Variants in TUT4 observed in about 807,000 individuals in gnomAD.
The protein encoded by TUT4 is terminal uridylyltransferase 4.
Under a neutral mutation model 192.2 loss-of-function variants are expected in TUT4, and 36 were observed. That is an observed-to-expected ratio of 0.19 (90% CI 0.14 to 0.25). TUT4 has a LOEUF of 0.25. Among genes scored for constraint, TUT4 ranks in the 10% least tolerant of loss-of-function variants. The probability of loss-of-function intolerance (pLI) is 1.00; values close to 1 mark genes in which losing one functional copy is unlikely to be tolerated. For missense variants in TUT4, 1,493 were observed against 1,957.2 expected, an observed-to-expected ratio of 0.76 and a Z score of 4.47; for synonymous variants, 618 against 666.0, an observed-to-expected ratio of 0.93 and a Z score of 1.11.
chr1:52,526,738 A>G (rs911274048), intron 1 of TUT4, among the ~76,000 whole-genome samples: 2 of 152,214 alleles, frequency 1.3e-5, no homozygotes, highest in Non-Finnish European at 2.9e-5. Flanking sequence ...AAGAATTCCA[A>G]TCTTGGCTGG....
chr1:52,486,367 T>A (rs1254495067), intron 9 of TUT4, among the ~76,000 whole-genome samples: 2 of 152,172 alleles, frequency 1.3e-5, no homozygotes, highest in East Asian at 3.8e-4. Context: ...AAGCTTTATC[T>A]AGAAAACTAT....
intron 1 of TUT4, among the ~76,000 whole-genome samples, chr1:52,549,796 T>TA (rs574669617): frequency 3.6e-4 from 54 of 151,030 alleles, no homozygotes; most frequent in African/African-American, 1.2e-3. Flanking sequence ...ACTGAACGAG[T>TA]GAAAAAAAAA....
intron 16 of TUT4, 84 bp from the exon 17 acceptor site, chr1:52,461,853 T>C (rs1385915651): frequency 1.2e-6 from 1 of 808,600 alleles, no homozygotes; most frequent in Non-Finnish European, 1.9e-6. Flanking sequence ...AATAGTAGCA[T>C]TTACAATTTC....
chr1:52,547,558 C>G (rs1405940451), intron 1 of TUT4, among the ~76,000 whole-genome samples: 2 of 152,108 alleles, frequency 1.3e-5, no homozygotes, highest in African/African-American at 2.4e-5. Context: ...TGTACATCCA[C>G]ACAAAAACGT....
At chr1:52,424,855 CT>C (rs1413518491) in intron 29 of TUT4, 12 of 153,146 alleles carry the variant, frequency 7.8e-5, no homozygotes, top group African/African-American at 2.9e-4. Flanking sequence ...AGCCTACCCT[CT>C]CTAGCCTTAT....
chr1:52,530,819 A>G (rs1002149698), intron 1 of TUT4, among the ~76,000 whole-genome samples: 1 of 152,140 alleles, frequency 6.6e-6, no homozygotes, highest in Non-Finnish European at 1.5e-5. Context: ...CCTGGGCAAC[A>G]TGGTAAAACC....
intron 7 of TUT4, among the ~76,000 whole-genome samples, chr1:52,492,689 G>GT (rs548999000): frequency 2.0e-5 from 3 of 152,202 alleles, no homozygotes; most frequent in Non-Finnish European, 4.4e-5. Flanking sequence ...AAGAAAAACA[G>GT]TAAGTAAAAA....
chr1:52,427,734 C>T (rs1283280687), intron 28 of TUT4, among the ~76,000 whole-genome samples: 6 of 152,170 alleles, frequency 3.9e-5, no homozygotes, highest in Admixed American at 1.3e-4. Flanking sequence ...ATAATGGATA[C>T]TGGCAACAAT....
intron 6 of TUT4, 83 bp downstream of exon 6, chr1:52,495,344 C>T: frequency 1.2e-6 from 1 of 834,588 alleles, no homozygotes; most frequent in South Asian, 2.1e-5. Flanking sequence ...TTTATATTTC[C>T]CTATCCTTTC....
chr1:52,522,948 A>G (rs1259412340), intron 2 of TUT4, among the ~76,000 whole-genome samples: 2 of 143,010 alleles, frequency 1.4e-5, no homozygotes, highest in African/African-American at 5.2e-5. Context: ...TCTTTAAATC[A>G]TGTTTTTCAC....
intron 2 of TUT4, among the ~76,000 whole-genome samples, chr1:52,524,222 CACAGCATT>C (rs771504866): frequency 6.6e-6 from 1 of 152,162 alleles, no homozygotes; most frequent in African/African-American, 2.4e-5. Flanking sequence ...AAAATCTGAT[CACAGCATT>C]ACTTTACTTA....
At chr1:52,529,899 T>A (rs1169538693) in intron 1 of TUT4, 1 of 152,120 alleles carries the variant, frequency 6.6e-6, no homozygotes, top group Non-Finnish European at 1.5e-5. Context: ...GGGGGTAAAG[T>A]GGCACAATTA....
intron 3 of TUT4, among the ~76,000 whole-genome samples, chr1:52,512,558 G>A (rs1677480765): frequency 1.3e-5 from 2 of 151,900 alleles, no homozygotes; most frequent in African/African-American, 4.8e-5. Context: ...GCACATATTG[G>A]GCACAACATC....
intron 4 of TUT4, among the ~76,000 whole-genome samples, 186 bp downstream of exon 4, chr1:52,509,409 CG>C (rs1461105528): frequency 1.3e-5 from 2 of 152,164 alleles, no homozygotes; most frequent in Non-Finnish European, 2.9e-5. Flanking sequence ...ATGAGCAAAC[CG>C]GTCTCAACAA....
At chr1:52,454,930 A>C (rs1660433075) in intron 20 of TUT4, among the ~76,000 whole-genome samples, 1 of 152,252 alleles carries the variant, frequency 6.6e-6, no homozygotes, top group African/African-American at 2.4e-5. Context: ...AGACATATGA[A>C]TGGCAAAATA....
intron 24 of TUT4, among the ~76,000 whole-genome samples, chr1:52,441,388 A>G: frequency 6.8e-6 from 1 of 147,006 alleles, no homozygotes; most frequent in East Asian, 2.0e-4. Context: ...GGTTCAAGCG[A>G]TTCTCCTGCC....
intron 14 of TUT4, among the ~76,000 whole-genome samples, chr1:52,470,679 T>C (rs1230447328): frequency 6.6e-6 from 1 of 152,096 alleles, no homozygotes; most frequent in Admixed American, 6.6e-5. Flanking sequence ...ATTCCACTTA[T>C]ACAGAACTCT....
rs1661563026 is a variant in TUT4 at position 52,458,400 on chromosome 1, T to C, written c.3371A>G (p.Tyr1124Cys). The change falls in exon 20 of 30, where the codon TAT becomes TGT. Residue 1124 changes from tyrosine to cysteine, a missense_variant. Tyr to Cys is a radical substitution (Grantham distance 194). Transcript: ENST00000257177. ...ASRGSLSSYAYILMVLYFLQQ... is the reference protein window; with the variant it reads ...ASRGSLSSYACILMVLYFLQQ... ...CAGAAAGTACAGCACCATAAGGATATATGCATATGAAGATAAACTTCCCCT... is the reference window on the plus strand; with the variant it reads ...CAGAAAGTACAGCACCATAAGGATACATGCATATGAAGATAAACTTCCCCT... 9 of 1,613,938 alleles carry C rather than the reference T, an allele frequency of 5.6e-6. No individual in the cohort carries two copies. Among genetic ancestry groups the C allele is most frequent in the Non-Finnish European group, 7.6e-6 (9 of 1,179,930 alleles).
chr1:52,525,910 A>G lies in TUT4; in HGVS notation c.371T>C (p.Leu124Ser). Reference sequence around the variant, plus strand: ...TGGTGATTTTTCTGCTTTTGCCTGTAAACTGGTTGCCTTTTCTGATTTTGC... The same window carrying G: ...TGGTGATTTTTCTGCTTTTGCCTGTGAACTGGTTGCCTTTTCTGATTTTGC... ...SQAKSEKATSLQAKAEKSPKS... is the reference protein window; with the variant it reads ...SQAKSEKATSSQAKAEKSPKS... Residue 124 changes from leucine (L) to serine (S), a missense_variant, in exon 2 of 30, where the codon TTA becomes TCA. By Grantham distance (145) the Leu-to-Ser change is moderately radical. Transcript: ENST00000257177. The G allele has an allele frequency of 2.5e-6, 4 of 1,614,084 alleles. No homozygotes were observed. Among genetic ancestry groups the G allele is most frequent in the Non-Finnish European group, 3.4e-6 (4 of 1,180,000 alleles).
Sources: gnomAD v4.1 joint callset for allele counts (sites outside exome capture counted in the v4.1 genomes callset) on GRCh38, gnomAD v4.1.1 for gene constraint, MANE v1.5 for transcripts, NCBI Gene and HGNC (gene_info 2026-07-23, HGNC 2026-07-21) for gene names.